Variants in CRYZL1 observed in about 807,000 individuals in gnomAD.
CRYZL1 encodes ferry endosomal RAB5 effector complex subunit 4.
A neutral mutation model predicts 50.6 loss-of-function variants in CRYZL1; 34 were observed. The observed-to-expected ratio is 0.67, with a 90% CI of 0.51 to 0.89. The LOEUF (loss-of-function observed/expected upper bound fraction) is 0.89, where lower values mean the gene tolerates loss of function less well. Ranked by LOEUF, CRYZL1 falls within the 40% of genes least tolerant of loss-of-function variation. CRYZL1 has a pLI of 0.00. For missense variants in CRYZL1, 354 were observed against 402.3 expected (o/e 0.88, Z 1.03); for synonymous variants, 125 against 134.3 (o/e 0.93, Z 0.48).
At chr21:33,620,522 A>G (rs1463375321) in intron 4 of CRYZL1, among the ~76,000 whole-genome samples, 1 of 152,110 alleles carries the variant, frequency 6.6e-6, no homozygotes, top group Non-Finnish European at 1.5e-5. Flanking sequence ...AATTAAAAAA[A>G]AAAAGGGGCC....
intron 11 of CRYZL1, among the ~76,000 whole-genome samples, chr21:33,594,120 T>C (rs1391399965): frequency 2.0e-5 from 3 of 151,974 alleles, no homozygotes; most frequent in African/African-American, 7.2e-5. Context: ...TCCATGTTAT[T>C]CTTAATAATT....
chr21:33,603,372 G>C (rs375050334), intron 7 of CRYZL1, 32 bp downstream of exon 7: 2 of 1,608,766 alleles, frequency 1.2e-6, no homozygotes, highest in South Asian at 1.1e-5. Flanking sequence ...CTGTATGCTT[G>C]TCTGTTTCTT....
intron 11 of CRYZL1, chr21:33,595,386 T>C: frequency 7.6e-7 from 1 of 1,317,824 alleles, no homozygotes; most frequent in Non-Finnish European, 1.0e-6. Context: ...TTCCTTAATG[T>C]GAGGTTAAAA....
intron 11 of CRYZL1, among the ~76,000 whole-genome samples, chr21:33,593,115 C>CA: frequency 6.6e-6 from 1 of 150,464 alleles, no homozygotes; most frequent in African/African-American, 2.4e-5. Flanking sequence ...TAAAACATTT[C>CA]TTTTTTTTTG....
intron 12 of CRYZL1, among the ~76,000 whole-genome samples, chr21:33,590,816 G>A (rs890932837): frequency 6.6e-6 from 1 of 152,214 alleles, no homozygotes; most frequent in Non-Finnish European, 1.5e-5. Context: ...GCTTTGGGAG[G>A]GGTGATGAGG....
rs1321098637 is a variant in CRYZL1, at chr21:33,603,336, G to T, written c.465+68C>A. 5.1e-6 allele frequency: 8 copies of T among 1,558,742 alleles called. No homozygotes were observed. In the Admixed American group the frequency reaches 1.2e-4, roughly 24 times the overall value. On this transcript the variant is annotated intron_variant, in intron 7 of 12. Coordinates refer to ENST00000381554, the MANE Select transcript of CRYZL1 (RefSeq NM_145858.3). ...AAAGAATTATATTAGCAAATGGATG[G>T]CTCATTGCTAAATTTCCTAAGTTTA... is the stretch of plus-strand genomic sequence containing the variant.
chr21:33,604,355 C>A (rs1434514849), intron 6 of CRYZL1, among the ~76,000 whole-genome samples: 14 of 69,600 alleles, frequency 2.0e-4, no homozygotes, highest in Non-Finnish European at 2.0e-4. Context: ...GACTCCGTCT[C>A]AAAAAAAAAA....
intron 11 of CRYZL1, chr21:33,595,253 C>T (rs2086682524): frequency 4.1e-6 from 4 of 980,412 alleles, no homozygotes; most frequent in Non-Finnish European, 5.3e-6. Context: ...ATAAAGATTT[C>T]CTAGCATTGA....
intron 6 of CRYZL1, 35 bp downstream of exon 6, chr21:33,613,503 T>C (rs753271827): frequency 7.3e-7 from 1 of 1,368,102 alleles, no homozygotes; most frequent in South Asian, 1.2e-5. Context: ...GAAGTAAGAC[T>C]TATGTGAGCT....
Position 33,611,132 on chromosome 21 carries a change from T to C in CRYZL1, c.331+2406A>G, listed in dbSNP as rs113731335. 4.2e-3 allele frequency among the ~76,000 whole-genome samples: 633 copies of C among 152,320 alleles called. 8 individuals are homozygous for C. Among genetic ancestry groups the C allele is most frequent in the African/African-American group, 0.015 (609 of 41,574 alleles). On this transcript the variant is annotated intron_variant, in intron 6 of 12. Coordinates refer to ENST00000381554, the MANE Select transcript of CRYZL1 (RefSeq NM_145858.3). ...CAACGTACTCGAAAGAACAGGGCAATAAGGCCAACCATTCAAGGAAACTCT... is the reference window on the plus strand; with the variant it reads ...CAACGTACTCGAAAGAACAGGGCAACAAGGCCAACCATTCAAGGAAACTCT...
chr21:33,641,102 G>T, intron 1 of CRYZL1: 1 of 1,541,870 alleles, frequency 6.5e-7, no homozygotes, highest in Admixed American at 2.0e-5. Context: ...CTCATAACGT[G>T]GACAGCAGCA....
chr21:33,633,376 C>T (rs1435733106), intron 1 of CRYZL1, among the ~76,000 whole-genome samples: 1 of 152,106 alleles, frequency 6.6e-6, no homozygotes, highest in Non-Finnish European at 1.5e-5. Context: ...TAATGGTTTC[C>T]TACTGAGCTG....
intron 8 of CRYZL1, among the ~76,000 whole-genome samples, chr21:33,599,989 C>A (rs1188867133): frequency 6.6e-6 from 1 of 152,044 alleles, no homozygotes; most frequent in Non-Finnish European, 1.5e-5. Context: ...AGCTAAAAAA[C>A]ATAAAAATAT....
intron 3 of CRYZL1, among the ~76,000 whole-genome samples, chr21:33,623,024 G>A (rs538168017): frequency 5.4e-4 from 81 of 150,510 alleles, no homozygotes; most frequent in African/African-American, 2.0e-3. Flanking sequence ...GGAGTGCAGT[G>A]GTGTGATCTC....
intron 6 of CRYZL1, among the ~76,000 whole-genome samples, chr21:33,605,907 T>C (rs1006962860): frequency 3.3e-5 from 5 of 152,098 alleles, no homozygotes; most frequent in Non-Finnish European, 7.4e-5. Flanking sequence ...CTTCCTCTAG[T>C]AGCAATGATT....
chr21:33,617,642 C>T lies in CRYZL1; in HGVS notation c.218-892G>A, dbSNP rs879402328. ...TCTAAGGGGGTCCGTGTGAGAGGGT[C>T]GTGATCGATTGAGCAAGTAGGGGGT... On this transcript the variant is annotated intron_variant, in intron 4 of 12. Coordinates refer to ENST00000381554, the MANE Select transcript of CRYZL1 (RefSeq NM_145858.3). Among the ~76,000 whole-genome samples the T allele has an allele frequency of 6.6e-5, 10 of 151,998 alleles. No individual in the cohort carries two copies. In the East Asian group the frequency reaches 7.8e-4, roughly 12 times the overall value.
At chr21:33,624,057 T>C (rs1363162185) in intron 3 of CRYZL1, among the ~76,000 whole-genome samples, 2 of 152,160 alleles carry the variant, frequency 1.3e-5, no homozygotes, top group African/African-American at 4.8e-5. Context: ...AATAATAGGC[T>C]TTGTTAATTA....
Position 33,589,823 on chromosome 21 carries a change from T to G in CRYZL1, c.1049A>C (p.Ter350SerextTer32). The change falls in exon 13 of 13, where the codon TAA becomes TCA. Residue 350 changes from the stop codon to serine (S), a stop_lost. Coordinates refer to ENST00000381554, the MANE Select transcript of CRYZL1 (RefSeq NM_145858.3). ...QGRKKQVVQF* is the reference protein window; with the variant it reads ...QGRKKQVVQFS The stretch of plus-strand genomic sequence containing the variant: ...ACTGAGGTCTGAGAAAGAAGAAAAT[T>G]AAAATTGAACAACTTGCTTTTTTCT... 1 of 1,593,746 alleles carries G rather than the reference T, an allele frequency of 6.3e-7. No homozygotes were observed. The highest frequency in any genetic ancestry group is 8.6e-7 in the Non-Finnish European group (1 of 1,161,848).
intron 2 of CRYZL1, among the ~76,000 whole-genome samples, chr21:33,625,979 T>A (rs1055389046): frequency 2.0e-5 from 3 of 149,126 alleles, no homozygotes; most frequent in African/African-American, 2.5e-5. Flanking sequence ...TCTTTTTTCA[T>A]TTTTTTTTGA....
Sources: gnomAD v4.1 joint callset for allele counts (sites outside exome capture counted in the v4.1 genomes callset) on GRCh38, gnomAD v4.1.1 for gene constraint, MANE v1.5 for transcripts, NCBI Gene and HGNC (gene_info 2026-07-23, HGNC 2026-07-21) for gene names.